Variants in KCNQ3 observed in about 807,000 individuals in gnomAD.
The protein encoded by KCNQ3 is potassium voltage-gated channel subfamily KQT member 3.
KCNQ3 carries 30 observed loss-of-function variants against 92.5 expected under a neutral mutation model. The ratio of observed to expected loss-of-function variants is 0.32; its 90% confidence interval spans 0.24 to 0.44. The LOEUF is 0.44. Ranked by LOEUF, KCNQ3 falls within the 20% of genes least tolerant of loss-of-function variation. The probability of loss-of-function intolerance (pLI) is 1.00; values close to 1 mark genes in which losing one functional copy is unlikely to be tolerated. For synonymous variants in KCNQ3, 450 were observed against 468.8 expected (o/e 0.96, Z 0.52); for missense variants, 913 against 1,140.3 (o/e 0.80, Z 2.87).
In KCNQ3 at chr8:132,129,540, T is replaced by C; in HGVS notation, c.2341A>G (p.Ser781Gly). Residue 781 changes from serine (S) to glycine (G), a missense_variant, in exon 15 of 15, where the codon AGC becomes GGC. Around this residue, in one of 6 missense-constraint regions of KCNQ3, gnomAD observed 375 missense variants for 376.4 expected, o/e 1.00. Transcript: ENST00000388996. This position sits in a 1 kb window ranked among gnomAD's most constrained non-coding sequence, Gnocchi z 5.9. ...SDRISPRQRR[S>G]ITRDSDTPLS... is the part of the protein sequence containing the mutation. ...GGTGTGTCACTGTCTCGCGTGATGC[T>C]ACGTCTCTGCCGGGGGGAGATTCGG... is the stretch of plus-strand genomic sequence containing the variant. 1 of 1,614,202 alleles carries C rather than the reference T, an allele frequency of 6.2e-7. No individual in the cohort carries two copies. Among genetic ancestry groups the C allele is most frequent in the Non-Finnish European group, 8.5e-7 (1 of 1,180,026 alleles).
At chr8:132,141,936 T>G (rs544674443) in intron 9 of KCNQ3, among the ~76,000 whole-genome samples, 1 of 152,326 alleles carries the variant, frequency 6.6e-6, no homozygotes, top group East Asian at 1.9e-4. Context: ...GGCAACAAAC[T>G]CCAGTAATAT....
chr8:132,356,016 C>T (rs16904672), intron 1 of KCNQ3, among the ~76,000 whole-genome samples: 11,037 of 152,184 alleles, frequency 0.073, 449 homozygotes, highest in South Asian at 0.15. Context: ...AGTGTGGATG[C>T]GGTTCATGAA....
chr8:132,449,565 C>T (rs933856997), intron 1 of KCNQ3, among the ~76,000 whole-genome samples: 1 of 152,148 alleles, frequency 6.6e-6, no homozygotes, highest in African/African-American at 2.4e-5. Flanking sequence ...CAGGAAAACA[C>T]ATCTCTGATG....
rs140556267 is a variant in KCNQ3 at position 132,247,894 on chromosome 8, C to G, written c.387-61713G>C. Among the ~76,000 whole-genome samples, 693 of 152,128 alleles carry G rather than the reference C, an allele frequency of 4.6e-3. 5 individuals are homozygous for G. Among genetic ancestry groups the G allele is most frequent in the African/African-American group, 0.015 (638 of 41,502 alleles). On this transcript the variant is annotated intron_variant, in intron 1 of 14. Transcript: ENST00000388996. ...TAACAAACACTTACGTATCACTTAC[C>G]AGGTGCCAAGCACTGTTTTAAGCAC...
chr8:132,190,903 T>C (rs917314466), intron 1 of KCNQ3, among the ~76,000 whole-genome samples: 2 of 152,230 alleles, frequency 1.3e-5, no homozygotes, highest in East Asian at 3.8e-4. Context: ...TTTGCTCTAT[T>C]AGACTCTGCT....
intron 1 of KCNQ3, among the ~76,000 whole-genome samples, chr8:132,197,681 AT>A (rs1827337687): frequency 6.6e-6 from 1 of 152,128 alleles, no homozygotes; most frequent in South Asian, 2.1e-4. Flanking sequence ...GTGACATTTA[AT>A]TTTTCATTTG....
chr8:132,228,759 GAAAAA>G (rs34561294), intron 1 of KCNQ3, among the ~76,000 whole-genome samples: 1 of 118,264 alleles, frequency 8.5e-6, no homozygotes, highest in Non-Finnish European at 1.8e-5. Flanking sequence ...GCTGACTCTT[GAAAAA>G]AAAAAAAAAA....
At position 132,127,431 on chromosome 8, in the gene KCNQ3, T is replaced by TAAC. The variant is rs1288039296; in HGVS notation, c.*1828_*1830dup. On this transcript the variant is annotated 3_prime_UTR_variant, in exon 15 of 15. Coordinates refer to ENST00000388996, the MANE Select transcript of KCNQ3 (RefSeq NM_004519.4). ...ACTGTATTCTGAGCTTTTTGTACAG[T>TAAC]AACTGTTGACATGTGAGTTGAAAGG... 6.6e-6 allele frequency: 1 copy of TAAC among 152,206 alleles called. No individual in the cohort carries two copies. Among genetic ancestry groups the TAAC allele is most frequent in the Non-Finnish European group, 1.5e-5 (1 of 68,034 alleles). The allele number at this position is 152,206 out of a possible 1,614,324, so 9.4% of individuals were successfully genotyped here. A position where few individuals can be genotyped will look rare whatever the true frequency, so the allele number is the denominator to read the frequency against.
Position 132,479,949 on chromosome 8 carries a change from A to AACACACACACACAC in KCNQ3, c.386+184_386+197dup, listed in dbSNP as rs371967111. Among the ~76,000 whole-genome samples, 1,177 of 137,158 alleles carry AACACACACACACAC rather than the reference A, an allele frequency of 8.6e-3. 10 individuals carry two copies. The highest frequency in any genetic ancestry group is 0.018 in the East Asian group (74 of 4,170). 90.0% of individuals were successfully genotyped at this position (137,158 alleles called of 152,430 possible). On this transcript the variant is annotated intron_variant, in intron 1 of 14. Transcript: ENST00000388996. ...TAGTGTGGAACACCCGGAGAGCGGC[A>AACACACACACACAC]ACACACACACACACACACACACACA...
chr8:132,300,498 G>C (rs1222075291), intron 1 of KCNQ3, among the ~76,000 whole-genome samples: 1 of 152,182 alleles, frequency 6.6e-6, no homozygotes, highest in Admixed American at 6.5e-5. Flanking sequence ...AGAACCTGCT[G>C]AGAGGTACCC....
chr8:132,397,231 G>A (rs1276653419), intron 1 of KCNQ3, among the ~76,000 whole-genome samples: 1 of 152,188 alleles, frequency 6.6e-6, no homozygotes, highest in Middle Eastern at 3.4e-3. Flanking sequence ...TGTGCCCAGA[G>A]GACTGCTGCC....
intron 6 of KCNQ3, 72 bp from the exon 7 acceptor site, chr8:132,172,765 T>C: frequency 1.9e-6 from 2 of 1,071,446 alleles, no homozygotes; most frequent in African/African-American, 1.5e-5. Context: ...ATTGCCAGGG[T>C]AATGGGGACT....
chr8:132,410,637 A>G (rs766787471), intron 1 of KCNQ3, among the ~76,000 whole-genome samples: 14 of 152,224 alleles, frequency 9.2e-5, no homozygotes, highest in Non-Finnish European at 1.8e-4. Flanking sequence ...CCTTTCCCAG[A>G]GGTCTTTAAA....
At chr8:132,144,078 T>A (rs1825380457) in intron 9 of KCNQ3, among the ~76,000 whole-genome samples, 1 of 152,236 alleles carries the variant, frequency 6.6e-6, no homozygotes, top group Non-Finnish European at 1.5e-5. Context: ...TGGTTCTATC[T>A]GTGCTGGGAT....
chr8:132,133,796 A>T (rs1206505918), intron 13 of KCNQ3, among the ~76,000 whole-genome samples: 1 of 152,256 alleles, frequency 6.6e-6, no homozygotes, highest in African/African-American at 2.4e-5. Context: ...TCTTATTCAA[A>T]ATTTTGAAGC....
chr8:132,424,517 G>A (rs1036577779), intron 1 of KCNQ3, among the ~76,000 whole-genome samples: 1 of 152,190 alleles, frequency 6.6e-6, no homozygotes, highest in African/African-American at 2.4e-5. Context: ...AAGAGCCCAG[G>A]GCTCTGGGGA....
Position 132,132,169 on chromosome 8 carries a change from A to C in KCNQ3, c.1884+11T>G, listed in dbSNP as rs774370151. The C allele has an allele frequency of 6.4e-7, 1 of 1,561,902 alleles. No individual in the cohort carries two copies. The highest frequency in any genetic ancestry group is 2.2e-5 in the East Asian group (1 of 44,650). The stretch of plus-strand genomic sequence containing the variant: ...AGATCCAGTTTTTGGTGAGAGGAAG[A>C]AAAGACTTACCTGTCTTTCAACTTT... On this transcript the variant is annotated intron_variant, in intron 14 of 14. Transcript: ENST00000388996.
chr8:132,133,867 G>A (rs1364357779), intron 13 of KCNQ3, among the ~76,000 whole-genome samples: 1 of 152,206 alleles, frequency 6.6e-6, no homozygotes, highest in African/African-American at 2.4e-5. Flanking sequence ...AATGTTGTCA[G>A]GGGGCTGATA....
intron 1 of KCNQ3, among the ~76,000 whole-genome samples, chr8:132,376,186 C>G (rs1819603126): frequency 6.6e-6 from 1 of 152,160 alleles, no homozygotes; most frequent in South Asian, 2.1e-4. Flanking sequence ...AAGAGGCATG[C>G]TTTTTTCTCC....
Sources: gnomAD v4.1 joint callset for allele counts (sites outside exome capture counted in the v4.1 genomes callset) on GRCh38, gnomAD v4.1.1 for gene constraint, gnomAD v4.1.1 regional missense constraint, Gnocchi (gnomAD v3.1) non-coding constraint, MANE v1.5 for transcripts, NCBI Gene and HGNC (gene_info 2026-07-23, HGNC 2026-07-21) for gene names.